Variants in WDR35 observed in about 807,000 individuals in gnomAD.
The protein encoded by WDR35 is WD repeat-containing protein 35.
A neutral mutation model predicts 158.3 loss-of-function variants in WDR35; 118 were observed. The ratio of observed to expected loss-of-function variants is 0.75; its 90% CI spans 0.64 to 0.87. The LOEUF is 0.87. Among genes scored for constraint, WDR35 ranks in the 40% least tolerant of loss-of-function variants. The probability of loss-of-function intolerance (pLI) is 0.00; values close to 1 mark genes in which losing one functional copy is unlikely to be tolerated. For synonymous variants in WDR35, 448 were observed against 476.1 expected, an observed-to-expected ratio of 0.94 and a Z score of 0.77; for missense variants, 1,263 against 1,405.8, an observed-to-expected ratio of 0.90 and a Z score of 1.62.
chr2:19,968,967 A>G (rs1394327217), intron 9 of WDR35, among the ~76,000 whole-genome samples: 1 of 152,222 alleles, frequency 6.6e-6, no homozygotes, highest in Non-Finnish European at 1.5e-5. Context: ...GGGTTTGGCC[A>G]ATAGAAAGCA....
chr2:19,914,414 G>A, intron 25 of WDR35, 137 bp from the exon 26 acceptor site: 2 of 1,085,206 alleles, frequency 1.8e-6, no homozygotes, highest in Non-Finnish European at 2.7e-6. Flanking sequence ...TGAGAGATGG[G>A]AGCACCAAGA....
intron 25 of WDR35, among the ~76,000 whole-genome samples, chr2:19,916,776 G>A (rs1393518516): frequency 1.3e-5 from 2 of 152,194 alleles, no homozygotes; most frequent in Non-Finnish European, 2.9e-5. Context: ...AAGCACCTGG[G>A]GAAAGGGGTG....
In WDR35 at chr2:19,953,914, G is replaced by A; in HGVS notation, c.1320C>T (p.Thr440=). The change falls in exon 12 of 27, where the codon ACC becomes ACT. Residue 440 remains threonine (T), a synonymous_variant. Transcript: ENST00000281405. Reference sequence around the variant, plus strand: ...GCTTCTTTGCCACACGATATTGCCAGGTATAAAATGCTTCTTTCGAGGCTG... The same window carrying A: ...GCTTCTTTGCCACACGATATTGCCAAGTATAAAATGCTTCTTTCGAGGCTG... ...VIAASKEAFY[T]WQYRVAKKLT... is the part of the protein sequence containing the mutation. 1 of 1,614,098 alleles carries A rather than the reference G, an allele frequency of 6.2e-7. No homozygotes were observed. The highest frequency in any genetic ancestry group is 8.5e-7 in the Non-Finnish European group (1 of 1,180,002).
rs35999226 is a variant in WDR35 at position 19,963,721 on chromosome 2, CATTTATTTATTTATTT to C, written c.1194+2987_1194+3002del. Among the ~76,000 whole-genome samples, 63 of 149,694 alleles carry C rather than the reference CATTTATTTATTTATTT, an allele frequency of 4.2e-4. 1 individual carries two copies. The East Asian group carries it at 0.012, about 28-fold the overall frequency. On this transcript the variant is annotated intron_variant, in intron 10 of 26. Coordinates refer to ENST00000281405, the MANE Select transcript of WDR35 (RefSeq NM_020779.4). ...CATCTAAAAATGTCTGTATTCCACC[CATTTATTTATTTATTT>C]ATTTATTTATTTATTTACTTACTTT... is the stretch of plus-strand genomic sequence containing the variant.
chr2:19,914,229 T>C lies in WDR35; in HGVS notation c.3170A>G (p.Tyr1057Cys), dbSNP rs541910371. 9.3e-6 allele frequency: 15 copies of C among 1,613,858 alleles called. No homozygotes were observed. Among genetic ancestry groups the C allele is most frequent in the African/African-American group, 2.7e-5 (2 of 74,862 alleles). Residue 1057 changes from tyrosine (Y) to cysteine (C), a missense_variant, in exon 26 of 27, where the codon TAC (tyrosine) becomes TGC (cysteine). Transcript: ENST00000281405. ...GCATGCGCAGAGTGCTAGCAGAGAG[T>C]AGATCTCCACAGGAGGGATGATGTC... is the stretch of plus-strand genomic sequence containing the variant. The part of the protein sequence containing the change: ...YEDIIPPVEI[Y>C]SLLALCACAS...
chr2:19,989,209 C>T lies in WDR35; in HGVS notation c.98G>A (p.Gly33Asp). 1.9e-6 allele frequency: 3 copies of T among 1,614,216 alleles called. No homozygotes were observed. Among genetic ancestry groups the T allele is most frequent in the Non-Finnish European group, 2.5e-6 (3 of 1,180,052 alleles). Residue 33 changes from glycine (G) to aspartate (D), a missense_variant, in exon 2 of 27, where the codon GGT becomes GAT. Gly to Asp is a moderately conservative substitution (Grantham distance 94). Transcript: ENST00000281405. ...CAAAACTTTCAGTAATCCATCTTCA[C>T]CACCGCATGCTATGAACCCTTGTTC... The part of the protein sequence containing the change: ...NKEQGFIACG[G>D]EDGLLKVLKL...
At chr2:19,936,664 C>A (rs954805648) in intron 19 of WDR35, among the ~76,000 whole-genome samples, 2 of 152,058 alleles carry the variant, frequency 1.3e-5, no homozygotes, top group African/African-American at 4.8e-5. Flanking sequence ...TTGATTAATG[C>A]CCTCATAAAA....
intron 10 of WDR35, among the ~76,000 whole-genome samples, chr2:19,961,288 C>T (rs1013846517): frequency 6.6e-6 from 1 of 152,106 alleles, no homozygotes; most frequent in African/African-American, 2.4e-5. Context: ...GCAGACCATC[C>T]ATGTCAATTT....
At chr2:19,925,005 C>A (rs1670312323) in intron 25 of WDR35, among the ~76,000 whole-genome samples, 1 of 152,210 alleles carries the variant, frequency 6.6e-6, no homozygotes, top group Non-Finnish European at 1.5e-5. Context: ...AGGGGCCCGT[C>A]CTGGGCCCCA....
chr2:19,924,234 T>A (rs1175555363), intron 25 of WDR35, among the ~76,000 whole-genome samples: 1 of 152,098 alleles, frequency 6.6e-6, no homozygotes, highest in Non-Finnish European at 1.5e-5. Flanking sequence ...AAGAACCATA[T>A]GTGGATTTTA....
At chr2:19,917,994 A>G (rs1325286824) in intron 25 of WDR35, among the ~76,000 whole-genome samples, 2 of 152,226 alleles carry the variant, frequency 1.3e-5, no homozygotes, top group African/African-American at 2.4e-5. Context: ...ACCTGAGAGA[A>G]AGGTCGGGCT....
intron 5 of WDR35, among the ~76,000 whole-genome samples, chr2:19,976,728 T>C (rs1173488855): frequency 6.6e-6 from 1 of 150,934 alleles, no homozygotes; most frequent in African/African-American, 2.4e-5. Context: ...CTTCTTGAAC[T>C]CTCTTGGCTG....
rs189980993 is a variant in WDR35, at chr2:19,913,552, A to C, written c.*6T>G. The C allele has an allele frequency of 1.2e-4, 190 of 1,614,050 alleles. 1 individual carries two copies. The African/African-American group carries it at 2.3e-3, about 19-fold the overall frequency. ...ATTTTACAGTTATATACAGTTTATCATTCCTTTATCCCACTGGACTATGGC... is the reference window on the plus strand; with the variant it reads ...ATTTTACAGTTATATACAGTTTATCCTTCCTTTATCCCACTGGACTATGGC... On this transcript the variant is annotated 3_prime_UTR_variant, in exon 27 of 27. Coordinates refer to ENST00000281405, the MANE Select transcript of WDR35 (RefSeq NM_020779.4).
intron 11 of WDR35, 107 bp from the exon 12 acceptor site, chr2:19,954,085 A>G (rs1379704451): frequency 4.0e-6 from 5 of 1,256,382 alleles, no homozygotes; most frequent in South Asian, 1.2e-5. Context: ...TTTTATAGAC[A>G]ATATACCCCC....
chr2:19,933,459 G>A lies in WDR35; in HGVS notation c.2600C>T (p.Ala867Val). The part of the protein sequence containing the change: ...RVGMCEQAVT[A>V]FLKCSQPKAA... ...CTTTGGTTGACTACATTTCAAAAATGCAGTCACTGCTTGTTCACACATTCC... is the reference window on the plus strand; with the variant it reads ...CTTTGGTTGACTACATTTCAAAAATACAGTCACTGCTTGTTCACACATTCC... The change falls in exon 22 of 27, where the codon GCA becomes GTA. Residue 867 changes from alanine (A) to valine (V), a missense_variant. By Grantham distance (64) the Ala-to-Val change is moderately conservative. Transcript: ENST00000281405. 6.2e-7 allele frequency: 1 copy of A among 1,613,934 alleles called. No homozygotes were observed. The highest frequency in any genetic ancestry group is 8.5e-7 in the Non-Finnish European group (1 of 1,179,948).
At chr2:19,954,127 T>C in intron 11 of WDR35, 149 bp from the exon 12 acceptor site, 1 of 854,426 alleles carries the variant, frequency 1.2e-6, no homozygotes, top group Non-Finnish European at 1.8e-6. Flanking sequence ...ACACAGTCTC[T>C]GAAATCAGAA....
chr2:19,916,647 C>A (rs541423432), intron 25 of WDR35, among the ~76,000 whole-genome samples: 9 of 152,220 alleles, frequency 5.9e-5, no homozygotes, highest in Non-Finnish European at 1.3e-4. Flanking sequence ...GCGGAGCCCA[C>A]CCCAGCTCAG....
intron 14 of WDR35, 21 bp downstream of exon 14, chr2:19,948,143 A>T (rs1359947422): frequency 1.1e-5 from 17 of 1,585,618 alleles, no homozygotes; most frequent in Non-Finnish European, 1.5e-5. Flanking sequence ...TATTCATAAA[A>T]TAAGTTTTTG....
Position 19,910,495 on chromosome 2 carries a change from CCCA to C in WDR35, c.*3060_*3062del, listed in dbSNP as rs1164880184. 2.0e-5 allele frequency: 3 copies of C among 152,088 alleles called. No homozygotes were observed. The highest frequency in any genetic ancestry group is 2.9e-5 in the Non-Finnish European group (2 of 68,008). 9.4% of individuals were successfully genotyped at this position (152,088 alleles called of 1,614,324 possible). A position where few individuals can be genotyped will look rare whatever the true frequency, so the allele number is the denominator to read the frequency against. On this transcript the variant is annotated 3_prime_UTR_variant, in exon 27 of 27. Coordinates refer to ENST00000281405, the MANE Select transcript of WDR35 (RefSeq NM_020779.4). ...CAGTTCCATCATTTCAATATTTTGG[CCCA>C]CCACACCACTTTGAAACATGTAATG...
Sources: allele counts gnomAD v4.1 joint callset (sites outside exome capture counted in the v4.1 genomes callset), GRCh38; gene constraint gnomAD v4.1.1; transcripts MANE v1.5; gene names NCBI Gene and HGNC (gene_info 2026-07-23, HGNC 2026-07-21).